SLC22A25: variants seen among roughly 807,000 people sequenced by gnomAD.
SLC22A25 encodes the protein MGI:2442751, MGI:2385316, MGI:3042283, MGI:3645714, MGI:3605624, MGI:2442750.
A neutral mutation model predicts 45.9 loss-of-function variants in SLC22A25; 44 were observed. The ratio of observed to expected loss-of-function variants is 0.96; its 90% confidence interval spans 0.75 to 1.23. SLC22A25 has a LOEUF of 1.23. SLC22A25 is among the 50% of genes most tolerant of loss of function. SLC22A25 has a pLI of 0.00. For synonymous variants in SLC22A25, 283 were observed against 238.6 expected (o/e 1.19, Z -1.72); for missense variants, 800 against 666.4 (o/e 1.20, Z -2.21).
At chr11:63,194,902 A>C (rs2088956870) in intron 7 of SLC22A25, among the ~76,000 whole-genome samples, 6 of 31,858 alleles carry the variant, frequency 1.9e-4, no homozygotes, top group Non-Finnish European at 3.5e-4. Flanking sequence ...AAAAAAAAAA[A>C]AAAAAAAAAA....
intron 7 of SLC22A25, among the ~76,000 whole-genome samples, chr11:63,188,223 G>A (rs530991523): frequency 5.5e-4 from 84 of 152,250 alleles, no homozygotes; most frequent in African/African-American, 2.0e-3. Flanking sequence ...TAATTTCAGA[G>A]CCTGTTATTG....
intron 1 of SLC22A25, chr11:63,243,082 G>T (rs1312063560): frequency 6.3e-6 from 1 of 158,344 alleles, no homozygotes; most frequent in Non-Finnish European, 1.4e-5. Flanking sequence ...CACAGAGCTG[G>T]CCATGCAGCT....
At chr11:63,190,651 C>A (rs2088773061) in intron 7 of SLC22A25, among the ~76,000 whole-genome samples, 1 of 151,658 alleles carries the variant, frequency 6.6e-6, no homozygotes, top group Non-Finnish European at 1.5e-5. Context: ...GTTTTTTTTA[C>A]TCTGTTTTTT....
rs554178558 is a variant in SLC22A25, at chr11:63,158,692, T to C, written c.*5132A>G. Among the ~76,000 whole-genome samples, 34 of 152,370 alleles carry C rather than the reference T, an allele frequency of 2.2e-4. No individual in the cohort carries two copies. In the East Asian group the frequency reaches 6.5e-3, roughly 29 times the overall value. ...TGTGTTATCAAATACTGGATATTAA[T>C]AATCACATTATGCAGCATGGGGTAT... On this transcript the variant is annotated 3_prime_UTR_variant, in exon 12 of 12. Transcript: ENST00000306494.
At position 63,221,661 on chromosome 11, in the gene SLC22A25, C is replaced by T. The variant is rs117747082; in HGVS notation, c.507-3926G>A. On this transcript the variant is annotated intron_variant, in intron 5 of 11. Transcript: ENST00000306494. Reference sequence around the variant, plus strand: ...TGATCCAATTTCTCCATTTTTGCATCGTTTGCCTGTGCTTGTTGTGTATTA... The same window carrying T: ...TGATCCAATTTCTCCATTTTTGCATTGTTTGCCTGTGCTTGTTGTGTATTA... Among the ~76,000 whole-genome samples the T allele has an allele frequency of 6.4e-3, 969 of 152,088 alleles. 6 individuals are homozygous for T. The highest frequency in any genetic ancestry group is 0.011 in the Non-Finnish European group (764 of 67,930).
intron 7 of SLC22A25, among the ~76,000 whole-genome samples, chr11:63,210,497 G>A (rs1257859159): frequency 2.0e-5 from 3 of 152,114 alleles, no homozygotes; most frequent in Non-Finnish European, 2.9e-5. Context: ...TGAGTGCCCC[G>A]AAAAGGAAAA....
chr11:63,175,827 A>G (rs796728940), intron 9 of SLC22A25, among the ~76,000 whole-genome samples: 13 of 148,094 alleles, frequency 8.8e-5, no homozygotes, highest in South Asian at 2.1e-4. Flanking sequence ...TTGGGTGTGT[A>G]TATATATATA....
chr11:63,183,723 T>C lies in SLC22A25; in HGVS notation c.925A>G (p.Lys309Glu). 1 of 1,613,192 alleles carries C rather than the reference T, an allele frequency of 6.2e-7. No individual in the cohort carries two copies. The highest frequency in any genetic ancestry group is 8.5e-7 in the Non-Finnish European group (1 of 1,179,340). The change falls in exon 8 of 12, where the codon AAG becomes GAG. Residue 309 changes from lysine (K) to glutamate (E), a missense_variant. Coordinates refer to ENST00000306494, the MANE Select transcript of SLC22A25 (RefSeq NM_199352.6). ...LRKAAHRNGM[K>E]NAEDILTMEV... ...ATGGTTAGGATGTCTTCAGCATTCT[T>C]CATTCCATTCCTGTGTGCAGCTTTT...
chr11:63,199,418 A>G (rs1269863708), intron 7 of SLC22A25, among the ~76,000 whole-genome samples: 6 of 152,180 alleles, frequency 3.9e-5, no homozygotes, highest in Admixed American at 3.9e-4. Flanking sequence ...TAAATAACCT[A>G]CTGAAGGAAA....
chr11:63,209,551 G>T, intron 7 of SLC22A25, among the ~76,000 whole-genome samples: 1 of 152,142 alleles, frequency 6.6e-6, no homozygotes, highest in East Asian at 1.9e-4. Flanking sequence ...GATGGACAGG[G>T]CGAGGCAGCT....
At chr11:63,209,416 C>T (rs375812043) in intron 7 of SLC22A25, among the ~76,000 whole-genome samples, 91 of 152,212 alleles carry the variant, frequency 6.0e-4, no homozygotes, top group South Asian at 1.0e-3. Context: ...CCAGTCTACC[C>T]GTCTTTGGCC....
At position 63,158,806 on chromosome 11, in the gene SLC22A25, T is replaced by G. The variant is rs1423516476; in HGVS notation, c.*5018A>C. ...AAAAATGAATTAAGTTATTATTGAC[T>G]ATAGTCATCCTGTTGTGCTATCAAA... On this transcript the variant is annotated 3_prime_UTR_variant, in exon 12 of 12. Coordinates refer to ENST00000306494, the MANE Select transcript of SLC22A25 (RefSeq NM_199352.6). Among the ~76,000 whole-genome samples, 2 of 152,226 alleles carry G rather than the reference T, an allele frequency of 1.3e-5. No homozygotes were observed. Among genetic ancestry groups the G allele is most frequent in the Non-Finnish European group, 2.9e-5 (2 of 68,038 alleles).
rs200938235 is a variant in SLC22A25, at chr11:63,241,633, AG to A, written c.-996+1800del. Among the ~76,000 whole-genome samples the A allele has an allele frequency of 1.5e-3, 234 of 152,314 alleles. 5 individuals are homozygous for A. The highest frequency in any genetic ancestry group is 0.013 in the East Asian group (70 of 5,186). ...ATTACTTGAAGCTCAATGCATTGAG[AG>A]GGTTAACAGTCATCAGTGACTATCA... On this transcript the variant is annotated intron_variant, in intron 1 of 11. Coordinates refer to ENST00000306494, the MANE Select transcript of SLC22A25 (RefSeq NM_199352.6).
At chr11:63,196,572 C>G (rs1455204457) in intron 7 of SLC22A25, among the ~76,000 whole-genome samples, 5 of 152,104 alleles carry the variant, frequency 3.3e-5, no homozygotes, top group Non-Finnish European at 7.3e-5. Context: ...ATGCTGAAAA[C>G]TCTCAATAAA....
At chr11:63,184,462 G>T (rs751796907) in intron 7 of SLC22A25, among the ~76,000 whole-genome samples, 1 of 152,062 alleles carries the variant, frequency 6.6e-6, no homozygotes, top group South Asian at 2.1e-4. Context: ...GACCAAATAG[G>T]CTTCCTCCAC....
intron 9 of SLC22A25, chr11:63,166,682 C>A (rs2087696294): frequency 1.0e-6 from 1 of 999,076 alleles, no homozygotes; most frequent in Non-Finnish European, 1.2e-6. Context: ...CATTTGCCAC[C>A]CTTACAATCA....
intron 9 of SLC22A25, among the ~76,000 whole-genome samples, chr11:63,175,460 T>C (rs117115610): frequency 0.025 from 3,738 of 152,212 alleles, 102 homozygotes; most frequent in Non-Finnish European, 0.032. Flanking sequence ...ACTACTTGCA[T>C]TCATGGTAGT....
intron 4 of SLC22A25, 43 bp downstream of exon 4, chr11:63,229,208 C>T (rs2090021272): frequency 6.8e-7 from 1 of 1,472,550 alleles, no homozygotes; most frequent in Non-Finnish European, 9.0e-7. Context: ...TTATTCTAAA[C>T]AGCCAGGTCA....
chr11:63,226,262 G>A (rs1337178721), intron 5 of SLC22A25, among the ~76,000 whole-genome samples: 1 of 152,090 alleles, frequency 6.6e-6, no homozygotes, highest in Non-Finnish European at 1.5e-5. Flanking sequence ...CACAGTCTGG[G>A]CTTTGCTCAT....
Sources: allele counts gnomAD v4.1 joint callset (sites outside exome capture counted in the v4.1 genomes callset), GRCh38; gene constraint gnomAD v4.1.1; transcripts MANE v1.5; gene names NCBI Gene and HGNC (gene_info 2026-07-23, HGNC 2026-07-21).